Variants in CYTH1 observed in about 807,000 individuals in gnomAD.
CYTH1 encodes cytohesin-1.
CYTH1 carries 18 observed loss-of-function variants against 61.8 expected under a neutral mutation model. That is an observed-to-expected ratio of 0.29 (90% CI 0.20 to 0.43). The LOEUF is 0.43. CYTH1 is among the 20% of genes least tolerant of loss of function. CYTH1 has a pLI of 1.00. For synonymous variants in CYTH1, 174 were observed against 184.3 expected, an observed-to-expected ratio of 0.94 and a Z score of 0.45; for missense variants, 336 against 510.5, an observed-to-expected ratio of 0.66 and a Z score of 3.29.
intron 1 of CYTH1, among the ~76,000 whole-genome samples, chr17:78,719,360 TA>T (rs2093209033): frequency 6.6e-6 from 1 of 151,978 alleles, no homozygotes; most frequent in Admixed American, 6.6e-5. Context: ...TCTGGTAAGT[TA>T]AAAACTATAG....
chr17:78,718,023 A>G (rs1486561429), intron 1 of CYTH1, among the ~76,000 whole-genome samples: 1 of 152,158 alleles, frequency 6.6e-6, no homozygotes, highest in African/African-American at 2.4e-5. Flanking sequence ...TTATAAAGTA[A>G]TTAAGGAGTG....
chr17:78,764,859 G>C (rs58567966), intron 1 of CYTH1, among the ~76,000 whole-genome samples: 1 of 151,928 alleles, frequency 6.6e-6, no homozygotes, highest in Non-Finnish European at 1.5e-5. Flanking sequence ...CCTGCCTTGT[G>C]GAGTTTCCAC....
chr17:78,715,334 C>T (rs2093171845), intron 1 of CYTH1, among the ~76,000 whole-genome samples: 1 of 152,146 alleles, frequency 6.6e-6, no homozygotes, highest in South Asian at 2.1e-4. Context: ...AAAACAGACT[C>T]ATTTCAGATA....
intron 7 of CYTH1, among the ~76,000 whole-genome samples, chr17:78,699,718 C>G (rs1220131113): frequency 1.3e-5 from 2 of 152,202 alleles, no homozygotes; most frequent in South Asian, 2.1e-4. Context: ...AATACATACA[C>G]ATGCTTTTTT....
chr17:78,780,688 T>C (rs928971343), intron 1 of CYTH1, among the ~76,000 whole-genome samples: 2 of 151,938 alleles, frequency 1.3e-5, no homozygotes, highest in African/African-American at 2.4e-5. Context: ...CTGGGTAACA[T>C]GGCAAGACCC....
intron 1 of CYTH1, among the ~76,000 whole-genome samples, chr17:78,715,081 T>G (rs2144485323): frequency 6.6e-6 from 1 of 152,224 alleles, no homozygotes; most frequent in Middle Eastern, 3.4e-3. Flanking sequence ...TAAACTCGGT[T>G]GAATAAAAAT....
chr17:78,718,653 T>C (rs149431296), intron 1 of CYTH1, among the ~76,000 whole-genome samples: 28 of 152,340 alleles, frequency 1.8e-4, no homozygotes, highest in African/African-American at 5.1e-4. Context: ...CAGTGACTTA[T>C]AATTTGAAAA....
chr17:78,760,549 ATATATATG>A (rs377361857), intron 1 of CYTH1, among the ~76,000 whole-genome samples: 2 of 39,132 alleles, frequency 5.1e-5, no homozygotes, highest in African/African-American at 1.9e-4. Context: ...ATATATGTAT[ATATATATG>A]TATATATATA....
chr17:78,776,293 C>A (rs2093490604), intron 1 of CYTH1, among the ~76,000 whole-genome samples: 1 of 152,108 alleles, frequency 6.6e-6, no homozygotes, highest in Non-Finnish European at 1.5e-5. Flanking sequence ...CAAATACTCC[C>A]TTAAAGTGCA....
At chr17:78,756,522 G>C (rs2093401904) in intron 1 of CYTH1, among the ~76,000 whole-genome samples, 1 of 152,120 alleles carries the variant, frequency 6.6e-6, no homozygotes, top group Non-Finnish European at 1.5e-5. Context: ...TAAAGGTGCT[G>C]AAAATGTCAG....
intron 1 of CYTH1, among the ~76,000 whole-genome samples, chr17:78,774,709 T>C (rs964614603): frequency 2.0e-5 from 3 of 152,126 alleles, no homozygotes; most frequent in African/African-American, 7.2e-5. Flanking sequence ...ATTTTTCTTG[T>C]TGAATCTTCT....
chr17:78,727,620 G>A lies in CYTH1; in HGVS notation c.23-17888C>T, dbSNP rs74001217. The stretch of plus-strand genomic sequence containing the variant: ...CTAGGGCACCAGCCTTCCAAGTCGC[G>A]GGAAGGTCCAGGATACTGGCCCCCT... On this transcript the variant is annotated intron_variant, in intron 1 of 13. Coordinates refer to ENST00000446868, the MANE Select transcript of CYTH1 (RefSeq NM_004762.6). 1.8e-3 allele frequency: 840 copies of A among 463,418 alleles called. 6 individuals carry two copies. The highest frequency in any genetic ancestry group is 0.014 in the African/African-American group (724 of 49,998). The allele number at this position is 463,418 out of a possible 1,614,324, so 28.7% of individuals were successfully genotyped here.
At chr17:78,756,009 T>C (rs188357854) in intron 1 of CYTH1, among the ~76,000 whole-genome samples, 1 of 151,990 alleles carries the variant, frequency 6.6e-6, no homozygotes, top group Admixed American at 6.6e-5. Flanking sequence ...TGATAGTGGT[T>C]TCACTGGTGT....
At chr17:78,708,391 G>T in intron 2 of CYTH1, 130 bp from the exon 3 acceptor site, 1 of 830,072 alleles carries the variant, frequency 1.2e-6, no homozygotes, top group Non-Finnish European at 1.9e-6. Flanking sequence ...TGACAAAAAT[G>T]CAAAAAGTAA....
At position 78,701,589 on chromosome 17, in the gene CYTH1, A is replaced by C. The variant is rs2093009367; in HGVS notation, c.437+82T>G. 4.7e-6 allele frequency: 6 copies of C among 1,276,050 alleles called. No individual in the cohort carries two copies. In the East Asian group the frequency reaches 9.3e-5, roughly 20 times the overall value. 79.0% of individuals were successfully genotyped at this position (1,276,050 alleles called of 1,614,324 possible). Reference sequence around the variant, plus strand: ...AATCATACCCAAAGATATAATTTCAATAAAATGCCCCCCAGGACAGACTCA... The same window carrying C: ...AATCATACCCAAAGATATAATTTCACTAAAATGCCCCCCAGGACAGACTCA... On this transcript the variant is annotated intron_variant, in intron 6 of 13. Coordinates refer to ENST00000446868, the MANE Select transcript of CYTH1 (RefSeq NM_004762.6).
rs1336645271 is a variant in CYTH1, at chr17:78,700,428, G to A, written c.453C>T (p.Ser151=). 1 of 1,612,870 alleles carries A rather than the reference G, an allele frequency of 6.2e-7. No individual in the cohort carries two copies. Among genetic ancestry groups the A allele is most frequent in the East Asian group, 2.2e-5 (1 of 44,848 alleles). The change falls in exon 7 of 14, where the codon AGC becomes AGT. Residue 151 remains serine (S), a synonymous_variant. Coordinates refer to ENST00000446868, the MANE Select transcript of CYTH1 (RefSeq NM_004762.6). The surrounding 1 kb of genome is among the most constrained non-coding windows in gnomAD (Gnocchi z 5.1). ...LVQALRQFLW[S]FRLPGEAQKI... ...TCTGGGCCTCTCCGGGTAGCCGGAA[G>A]CTCCACAGGAACTGCCTGAGTGGGT... is the stretch of plus-strand genomic sequence containing the variant.
rs189064239 is a variant in CYTH1, at chr17:78,759,664, G to A, written c.22+22538C>T. ...TCTGTAAGTTCAAAACCCTCCAAGC[G>A]GAATACTGAATGGCTTAAAGCAAAA... On this transcript the variant is annotated intron_variant, in intron 1 of 13. Transcript: ENST00000446868. Among the ~76,000 whole-genome samples the A allele has an allele frequency of 3.4e-3, 515 of 152,282 alleles. 1 individual carries two copies. Among genetic ancestry groups the A allele is most frequent in the Non-Finnish European group, 5.7e-3 (388 of 68,024 alleles).
chr17:78,676,667 T>C (rs1423093630), intron 13 of CYTH1: 1 of 299,608 alleles, frequency 3.3e-6, no homozygotes. Context: ...TCCATGACTC[T>C]GCAGGCGGCA....
chr17:78,753,736 A>C (rs1226470570), intron 1 of CYTH1, among the ~76,000 whole-genome samples: 2 of 152,192 alleles, frequency 1.3e-5, no homozygotes, highest in African/African-American at 4.8e-5. Context: ...AACTTCTGCA[A>C]ACTTTAATTA....
Sources: gnomAD v4.1 joint callset for allele counts (sites outside exome capture counted in the v4.1 genomes callset) on GRCh38, gnomAD v4.1.1 for gene constraint, Gnocchi (gnomAD v3.1) non-coding constraint, MANE v1.5 for transcripts, NCBI Gene and HGNC (gene_info 2026-07-23, HGNC 2026-07-21) for gene names.